The following C6 variants were observed in gnomAD, a reference collection of about 807,000 sequenced individuals.
C6 encodes complement component C6.
In C6, 101 loss-of-function variants were observed where a neutral mutation model predicts 112.9. The ratio of observed to expected loss-of-function variants is 0.89; its 90% CI spans 0.76 to 1.06. The LOEUF (loss-of-function observed/expected upper bound fraction) is 1.06, where lower values mean the gene tolerates loss of function less well. C6 is among the 50% of genes least tolerant of loss of function. The probability of loss-of-function intolerance (pLI) is 0.00; values close to 1 mark genes in which losing one functional copy is unlikely to be tolerated. For missense variants in C6, 1,202 were observed against 1,104.6 expected (o/e 1.09, Z -1.25); for synonymous variants, 431 against 384.1 (o/e 1.12, Z -1.43).
At chr5:41,182,763 C>T (rs892740979) in intron 6 of C6, among the ~76,000 whole-genome samples, 3 of 152,222 alleles carry the variant, frequency 2.0e-5, no homozygotes, top group Non-Finnish European at 2.9e-5. Flanking sequence ...GACCTTGACT[C>T]TAGTCATTCC....
chr5:41,175,159 A>G (rs566783975), intron 8 of C6, among the ~76,000 whole-genome samples: 2 of 152,262 alleles, frequency 1.3e-5, no homozygotes, highest in South Asian at 2.1e-4. Context: ...CTTTGGAGGG[A>G]CACACATAAA....
intron 1 of C6, among the ~76,000 whole-genome samples, chr5:41,239,501 T>C (rs1335355495): frequency 6.6e-6 from 1 of 152,084 alleles, no homozygotes; most frequent in Non-Finnish European, 1.5e-5. Flanking sequence ...TTAACTATAG[T>C]CACCCTACTA....
chr5:41,203,377 A>AG, intron 1 of C6, 127 bp from the exon 2 acceptor site: 1 of 858,950 alleles, frequency 1.2e-6, no homozygotes, highest in Non-Finnish European at 1.9e-6. Context: ...TCCTTAAGGC[A>AG]AGTCAACACC....
At chr5:41,212,496 AT>A (rs1347159744) in intron 1 of C6, among the ~76,000 whole-genome samples, 16 of 152,154 alleles carry the variant, frequency 1.1e-4, no homozygotes, top group Admixed American at 7.2e-4. Context: ...ACTTCTCTGA[AT>A]TTTTTTGTTA....
intron 13 of C6, among the ~76,000 whole-genome samples, chr5:41,155,523 A>G (rs1203308714): frequency 6.6e-6 from 1 of 152,158 alleles, no homozygotes; most frequent in East Asian, 1.9e-4. Context: ...CCCACAAAAT[A>G]CAAAAATACA....
intron 1 of C6, among the ~76,000 whole-genome samples, chr5:41,243,356 C>T (rs1369467768): frequency 1.3e-5 from 2 of 152,102 alleles, no homozygotes; most frequent in African/African-American, 2.4e-5. Flanking sequence ...TTTGTGAGCA[C>T]ATTTTCTATT....
chr5:41,225,502 A>C (rs1333761251), intron 1 of C6, among the ~76,000 whole-genome samples: 1 of 150,846 alleles, frequency 6.6e-6, no homozygotes, highest in East Asian at 1.9e-4. Context: ...AGTCTTTGCT[A>C]TTGTGAATAG....
At chr5:41,220,255 C>T (rs993674990) in intron 1 of C6, among the ~76,000 whole-genome samples, 7 of 152,102 alleles carry the variant, frequency 4.6e-5, no homozygotes, top group African/African-American at 1.7e-4. Flanking sequence ...TACCAACCTT[C>T]CCTGGACAGC....
chr5:41,203,044 A>G (rs1388818925), intron 2 of C6, 44 bp downstream of exon 2: 1 of 1,594,800 alleles, frequency 6.3e-7, no homozygotes, highest in South Asian at 1.1e-5. Context: ...TTCATCCTTG[A>G]GTCCTTCCAG....
At chr5:41,150,279 A>G (rs1746262455) in intron 15 of C6, among the ~76,000 whole-genome samples, 1 of 152,190 alleles carries the variant, frequency 6.6e-6, no homozygotes, top group Non-Finnish European at 1.5e-5. Flanking sequence ...GAACTGTTGA[A>G]ATTTTTGTTC....
At chr5:41,225,953 A>T (rs189696390) in intron 1 of C6, among the ~76,000 whole-genome samples, 1 of 152,202 alleles carries the variant, frequency 6.6e-6, no homozygotes, top group Non-Finnish European at 1.5e-5. Context: ...AAATTAATTC[A>T]AGATGGATTA....
intron 1 of C6, among the ~76,000 whole-genome samples, chr5:41,245,140 A>G (rs1740944300): frequency 6.6e-6 from 1 of 152,152 alleles, no homozygotes; most frequent in Non-Finnish European, 1.5e-5. Context: ...TGTTGGTATC[A>G]CAGTAATGCT....
chr5:41,244,508 C>T (rs1203020738), intron 1 of C6, among the ~76,000 whole-genome samples: 1 of 152,166 alleles, frequency 6.6e-6, no homozygotes, highest in African/African-American at 2.4e-5. Context: ...CTAATAAATA[C>T]CTTGCTATGT....
chr5:41,201,928 C>A (rs1159559729), intron 2 of C6, among the ~76,000 whole-genome samples: 1 of 152,038 alleles, frequency 6.6e-6, no homozygotes, highest in African/African-American at 2.4e-5. Flanking sequence ...AAATGGGAAA[C>A]CTCTTGCTCA....
At chr5:41,191,022 C>A (rs1275766647) in intron 5 of C6, among the ~76,000 whole-genome samples, 1 of 143,836 alleles carries the variant, frequency 7.0e-6, no homozygotes, top group African/African-American at 2.6e-5. Flanking sequence ...ACATGTAACA[C>A]ATGTAACATG....
At chr5:41,171,766 GC>G (rs1748440337) in intron 9 of C6, among the ~76,000 whole-genome samples, 1 of 151,952 alleles carries the variant, frequency 6.6e-6, no homozygotes, top group African/African-American at 2.4e-5. Flanking sequence ...TTAATGCATG[GC>G]CCCAAAATAA....
intron 1 of C6, among the ~76,000 whole-genome samples, chr5:41,260,626 T>C (rs1443778717): frequency 6.6e-6 from 1 of 150,976 alleles, no homozygotes; most frequent in Non-Finnish European, 1.5e-5. Context: ...AAAAAAAAAT[T>C]AGGTGGGCAT....
intron 5 of C6, among the ~76,000 whole-genome samples, chr5:41,189,281 T>C (rs949494357): frequency 2.6e-5 from 4 of 152,014 alleles, no homozygotes; most frequent in South Asian, 4.1e-4. Context: ...TAAGTATATA[T>C]GAAAGAGAAT....
chr5:41,155,150 C>G (rs758339761), intron 13 of C6, 46 bp from the exon 14 acceptor site: 1 of 1,540,982 alleles, frequency 6.5e-7, no homozygotes, highest in East Asian at 2.3e-5. Context: ...ATGAATAACA[C>G]TCTCTAAACT....
Sources: allele counts gnomAD v4.1 joint callset (sites outside exome capture counted in the v4.1 genomes callset), GRCh38; gene constraint gnomAD v4.1.1; transcripts MANE v1.5; gene names NCBI Gene and HGNC (gene_info 2026-07-23, HGNC 2026-07-21).